Variants in PUDP observed in about 807,000 individuals in gnomAD.
PUDP encodes pseudouridine 5'-phosphatase.
PUDP carries 8 observed loss-of-function variants against 9.4 expected under a neutral mutation model. The ratio of observed to expected loss-of-function variants is 0.85; its 90% CI spans 0.50 to 1.53. The LOEUF (loss-of-function observed/expected upper bound fraction) is 1.53, where lower values mean the gene tolerates loss of function less well. Among genes scored for constraint, PUDP ranks in the 40% most tolerant of loss-of-function variants. PUDP has a pLI of 0.00. For missense variants in PUDP, 188 were observed against 189.7 expected (o/e 0.99, Z 0.05); for synonymous variants, 99 against 80.7 (o/e 1.23, Z -1.22).
chrX:6,875,252 A>C (rs1927235491), intron 3 of PUDP, among the ~76,000 whole-genome samples: 1 of 110,410 alleles, frequency 9.1e-6, no homozygotes, highest in Admixed American at 9.7e-5. Context: ...TATTTTTTGT[A>C]AAGACAAAGT....
intron 3 of PUDP, among the ~76,000 whole-genome samples, chrX:6,971,618 G>A (rs1323352979): frequency 9.3e-6 from 1 of 107,193 alleles, no homozygotes; most frequent in Admixed American, 1.0e-4. Flanking sequence ...TAGAGACGGG[G>A]TTTCACCTTG....
chrX:6,822,463 A>G (rs1435289103), intron 3 of PUDP, among the ~76,000 whole-genome samples: 1 of 111,745 alleles, frequency 8.9e-6, no homozygotes, highest in Non-Finnish European at 1.9e-5. Flanking sequence ...GTCTCGCTCT[A>G]TCGTCCAGGC....
intron 1 of PUDP, among the ~76,000 whole-genome samples, chrX:7,000,115 G>C (rs184681592): frequency 1.2e-4 from 11 of 90,212 alleles, no homozygotes; most frequent in African/African-American, 4.4e-4. Context: ...GATAAAAAGA[G>C]AGCGAGAGCA....
At chrX:6,952,626 G>A (rs768241365) in intron 3 of PUDP, among the ~76,000 whole-genome samples, 1 of 111,828 alleles carries the variant, frequency 8.9e-6, no homozygotes, top group Non-Finnish European at 1.9e-5. Context: ...AAACATAGTT[G>A]CCAGTGTGGT....
At chrX:6,935,779 C>A (rs1928287889) in intron 3 of PUDP, among the ~76,000 whole-genome samples, 1 of 57,773 alleles carries the variant, frequency 1.7e-5, no homozygotes, top group African/African-American at 6.9e-5. Context: ...CAAATAGATG[C>A]AATAAAAAAT....
upstream of PUDP, among the ~76,000 whole-genome samples, chrX:6,725,443 C>T (rs924345629): frequency 9.0e-6 from 1 of 111,494 alleles, no homozygotes; most frequent in African/African-American, 3.3e-5. Context: ...CTATGTCCAG[C>T]TGTACACATT....
intron 3 of PUDP, among the ~76,000 whole-genome samples, chrX:6,776,453 C>T (rs1358336809): frequency 1.8e-5 from 2 of 111,191 alleles, no homozygotes; most frequent in Non-Finnish European, 3.8e-5. Flanking sequence ...ATTGCTTGAA[C>T]CCGGGATGCA....
intron 1 of PUDP, among the ~76,000 whole-genome samples, chrX:7,132,318 C>G (rs1932643198): frequency 8.9e-6 from 1 of 112,154 alleles, no homozygotes; most frequent in Admixed American, 9.4e-5. Flanking sequence ...CTCAAATTCT[C>G]CACAACAGAA....
At chrX:6,914,303 C>CTTTCT (rs777821617) in intron 3 of PUDP, among the ~76,000 whole-genome samples, 32 of 111,485 alleles carry the variant, frequency 2.9e-4, no homozygotes, top group Non-Finnish European at 5.5e-4. Context: ...GATGGACACA[C>CTTTCT]TGTTTTCTTG....
intron 3 of PUDP, among the ~76,000 whole-genome samples, chrX:6,866,841 T>C (rs1927094303): frequency 1.8e-5 from 2 of 111,218 alleles, no homozygotes; most frequent in Admixed American, 1.9e-4. Flanking sequence ...CACATTATGG[T>C]GGAGAAAAAT....
chrX:7,003,065 C>T (rs769599024), intron 1 of PUDP, among the ~76,000 whole-genome samples: 30 of 111,821 alleles, frequency 2.7e-4, no homozygotes, highest in African/African-American at 8.5e-4. Flanking sequence ...GAAGTATTGG[C>T]TATTATGTGG....
intron 1 of PUDP, among the ~76,000 whole-genome samples, chrX:6,720,513 A>G (rs2146655097): frequency 9.4e-6 from 1 of 105,868 alleles, no homozygotes; most frequent in South Asian, 4.3e-4. Flanking sequence ...AGTGGGGGAC[A>G]CTGGAGAGAT....
intron 2 of PUDP, among the ~76,000 whole-genome samples, chrX:7,086,516 C>G (rs978991699): frequency 4.5e-5 from 5 of 112,219 alleles, no homozygotes; most frequent in Admixed American, 2.8e-4. Context: ...GTAGCCACAG[C>G]CACTGTGAGT....
chrX:6,926,966 C>T (rs1317320863), intron 3 of PUDP, among the ~76,000 whole-genome samples: 2 of 88,525 alleles, frequency 2.3e-5, no homozygotes, highest in Non-Finnish European at 4.2e-5. Context: ...CTCACTCTGT[C>T]CCCCAGGCTG....
At chrX:7,058,621 T>C (rs1343258299) in intron 3 of PUDP, among the ~76,000 whole-genome samples, 1 of 112,611 alleles carries the variant, frequency 8.9e-6, no homozygotes, top group African/African-American at 3.2e-5. Context: ...TTCATGTTCC[T>C]TGTCAGACAG....
At position 7,006,923 on chromosome X, in the gene PUDP, G is replaced by A. The variant is rs370926678; in HGVS notation, c.205-28580C>T. ...AGATAATGGCACAGTGGCCAGGCAA[G>A]AAGACACTAGGTCCAGAATCTGAGG... is the stretch of plus-strand genomic sequence containing the variant. On this transcript the variant is annotated intron_variant and NMD_transcript_variant, in intron 1 of 3. Transcript: ENST00000655425. Among the ~76,000 whole-genome samples, 44 of 111,535 alleles carry A rather than the reference G, an allele frequency of 3.9e-4. 1 individual carries two copies. In the East Asian group the frequency reaches 5.4e-3, roughly 14 times the overall value.
intron 3 of PUDP, among the ~76,000 whole-genome samples, chrX:6,733,505 A>G (rs1368454154): frequency 1.8e-5 from 2 of 111,312 alleles, no homozygotes; most frequent in African/African-American, 3.3e-5. Flanking sequence ...GTTTTGAGTC[A>G]AGGGCTGACA....
chrX:6,799,161 A>C (rs773745944), intron 3 of PUDP, among the ~76,000 whole-genome samples: 15 of 112,105 alleles, frequency 1.3e-4, no homozygotes, highest in Non-Finnish European at 2.1e-4. Flanking sequence ...CTAAACTTTA[A>C]CCTTCATCCT....
At chrX:7,097,111 A>C (rs1931595488) in intron 2 of PUDP, among the ~76,000 whole-genome samples, 1 of 111,606 alleles carries the variant, frequency 9.0e-6, no homozygotes, top group Non-Finnish European at 1.9e-5. Flanking sequence ...GTCTTTTACC[A>C]TCACCCTGGC....
Sources: allele counts gnomAD v4.1 joint callset (sites outside exome capture counted in the v4.1 genomes callset), GRCh38; gene constraint gnomAD v4.1.1; transcripts MANE v1.5; gene names NCBI Gene and HGNC (gene_info 2026-07-23, HGNC 2026-07-21).